The following HS3ST4 variants were observed in gnomAD, a reference collection of about 807,000 sequenced individuals.
HS3ST4 encodes heparan sulfate-glucosamine 3-sulfotransferase 4.
Under a neutral mutation model 29.2 loss-of-function variants are expected in HS3ST4, and 17 were observed. The observed-to-expected ratio is 0.58, with a 90% CI of 0.40 to 0.87. The LOEUF is 0.87. Ranked by LOEUF, HS3ST4 falls within the 40% of genes least tolerant of loss-of-function variation. The pLI, the probability that HS3ST4 is intolerant of heterozygous loss-of-function variation, is 0.00. For synonymous variants in HS3ST4, 314 were observed against 285.7 expected, an observed-to-expected ratio of 1.10 and a Z score of -1.00; for missense variants, 627 against 634.5, an observed-to-expected ratio of 0.99 and a Z score of 0.13.
intron 1 of HS3ST4, among the ~76,000 whole-genome samples, chr16:26,054,422 A>C (rs2141767682): frequency 6.6e-6 from 1 of 152,330 alleles, no homozygotes; most frequent in Middle Eastern, 3.4e-3. Flanking sequence ...CAATTGACTC[A>C]GTTTACCTAA....
intron 1 of HS3ST4, among the ~76,000 whole-genome samples, chr16:26,131,548 A>G (rs1899419339): frequency 6.6e-6 from 1 of 152,182 alleles, no homozygotes; most frequent in Non-Finnish European, 1.5e-5. Context: ...GTTAAAATGA[A>G]CTTACTTAAA....
At chr16:25,763,727 C>T (rs571410728) in intron 1 of HS3ST4, among the ~76,000 whole-genome samples, 2 of 152,126 alleles carry the variant, frequency 1.3e-5, no homozygotes, top group Non-Finnish European at 2.9e-5. Context: ...GCAAGAGGGG[C>T]AAGAGGTGTG....
In HS3ST4 at chr16:25,961,895, A is replaced by G. The variant is rs531908926; in HGVS notation, c.735-173717A>G. Reference sequence around the variant, plus strand: ...ATGTGATTAACCTCTATTTTATACTACTGTCTAGCTCCCAATTATGTATGC... The same window carrying G: ...ATGTGATTAACCTCTATTTTATACTGCTGTCTAGCTCCCAATTATGTATGC... On this transcript the variant is annotated intron_variant, in intron 1 of 1. Transcript: ENST00000331351. Among the ~76,000 whole-genome samples, 5 of 152,314 alleles carry G rather than the reference A, an allele frequency of 3.3e-5. No homozygotes were observed. The South Asian group carries it at 1.0e-3, about 32-fold the overall frequency.
intron 1 of HS3ST4, among the ~76,000 whole-genome samples, chr16:25,843,269 T>C (rs182425310): frequency 6.6e-6 from 1 of 152,316 alleles, no homozygotes; most frequent in African/African-American, 2.4e-5. Flanking sequence ...GACGATGCTA[T>C]CAACTGGGAG....
intron 1 of HS3ST4, among the ~76,000 whole-genome samples, chr16:26,115,268 C>T (rs190699865): frequency 0.026 from 3,489 of 132,528 alleles, 51 homozygotes; most frequent in Middle Eastern, 0.048. Flanking sequence ...CATATATATA[C>T]ACACACACAC....
chr16:25,716,534 C>T (rs943036445), intron 1 of HS3ST4, among the ~76,000 whole-genome samples: 1 of 152,176 alleles, frequency 6.6e-6, no homozygotes, highest in Non-Finnish European at 1.5e-5. Context: ...CTGAGGCAAC[C>T]AGATAAAAAG....
At chr16:26,083,767 G>A (rs1596674833) in intron 1 of HS3ST4, among the ~76,000 whole-genome samples, 1 of 152,102 alleles carries the variant, frequency 6.6e-6, no homozygotes, top group South Asian at 2.1e-4. Context: ...TTAAATAAAG[G>A]CAGTTATCTC....
chr16:25,788,975 C>T (rs1375734703), intron 1 of HS3ST4, among the ~76,000 whole-genome samples: 4 of 152,096 alleles, frequency 2.6e-5, no homozygotes, highest in African/African-American at 9.7e-5. Context: ...AAAAGCTGCC[C>T]TAAAATCAAG....
intron 1 of HS3ST4, among the ~76,000 whole-genome samples, chr16:25,796,485 T>C (rs1476429976): frequency 1.3e-5 from 2 of 152,204 alleles, no homozygotes; most frequent in East Asian, 1.9e-4. Flanking sequence ...CTCATGTCTG[T>C]CTTCCGGTCT....
At chr16:25,879,553 T>C (rs1344698368) in intron 1 of HS3ST4, among the ~76,000 whole-genome samples, 2 of 152,148 alleles carry the variant, frequency 1.3e-5, no homozygotes, top group Admixed American at 1.3e-4. Flanking sequence ...GAGAACAGCA[T>C]GGGAAAGACC....
chr16:25,699,431 A>G (rs1371205816), intron 1 of HS3ST4, among the ~76,000 whole-genome samples: 2 of 152,214 alleles, frequency 1.3e-5, no homozygotes, highest in African/African-American at 4.8e-5. Context: ...AACTGGGGAA[A>G]TTCTCAATTT....
At chr16:26,038,433 G>A (rs1969604748) in intron 1 of HS3ST4, among the ~76,000 whole-genome samples, 1 of 152,032 alleles carries the variant, frequency 6.6e-6, no homozygotes, top group South Asian at 2.1e-4. Context: ...ACCTGTGTCT[G>A]TTTCCCCACT....
At position 25,706,783 on chromosome 16, in the gene HS3ST4, C is replaced by T. The variant is rs79672135; in HGVS notation, c.734+13632C>T. Among the ~76,000 whole-genome samples, 525 of 152,294 alleles carry T rather than the reference C, an allele frequency of 3.4e-3. 7 individuals are homozygous for T. The highest frequency in any genetic ancestry group is 0.012 in the African/African-American group (505 of 41,564). ...GGAATGAAGATTATGAACCAACTGA[C>T]TTTAAATGGGAGATTGTCCTGAATT... On this transcript the variant is annotated intron_variant, in intron 1 of 1. Coordinates refer to ENST00000331351, the MANE Select transcript of HS3ST4 (RefSeq NM_006040.3).
rs564346360 is a variant in HS3ST4, at chr16:25,823,143, A to G, written c.734+129992A>G. Among the ~76,000 whole-genome samples the G allele has an allele frequency of 5.3e-5, 8 of 152,290 alleles. 1 individual carries two copies. In the East Asian group the frequency reaches 1.5e-3, roughly 29 times the overall value. Reference sequence around the variant, plus strand: ...TAGTTTTGCACCTGCTATGTTTAGGAAAGATTCCCAGAAATATGTGCCAAG... The same window carrying G: ...TAGTTTTGCACCTGCTATGTTTAGGGAAGATTCCCAGAAATATGTGCCAAG... On this transcript the variant is annotated intron_variant, in intron 1 of 1. Coordinates refer to ENST00000331351, the MANE Select transcript of HS3ST4 (RefSeq NM_006040.3).
chr16:25,868,359 G>A (rs1368241742), intron 1 of HS3ST4, among the ~76,000 whole-genome samples: 1 of 152,088 alleles, frequency 6.6e-6, no homozygotes, highest in Non-Finnish European at 1.5e-5. Flanking sequence ...TGCAACAGCA[G>A]GCATCACAAC....
intron 1 of HS3ST4, among the ~76,000 whole-genome samples, chr16:25,872,257 C>T (rs182398208): frequency 1.7e-3 from 252 of 152,286 alleles, no homozygotes; most frequent in African/African-American, 5.5e-3. Flanking sequence ...GGGCTACTGA[C>T]AGAAAGAAAT....
At position 26,058,631 on chromosome 16, in the gene HS3ST4, C is replaced by T. The variant is rs572649029; in HGVS notation, c.735-76981C>T. Among the ~76,000 whole-genome samples the T allele has an allele frequency of 2.5e-4, 38 of 152,258 alleles. No homozygotes were observed. In the South Asian group the frequency reaches 7.7e-3, roughly 31 times the overall value. ...CAGTGCTAAAGAATTACTGAATTTC[C>T]GCTGCACCCTCTCACTCTCCAGGGC... On this transcript the variant is annotated intron_variant, in intron 1 of 1. Transcript: ENST00000331351.
Position 25,870,655 on chromosome 16 carries a change from C to T in HS3ST4, c.734+177504C>T, listed in dbSNP as rs190589823. 2.7e-3 allele frequency among the ~76,000 whole-genome samples: 415 copies of T among 152,184 alleles called. 3 individuals carry two copies. Among genetic ancestry groups the T allele is most frequent in the Middle Eastern group, 0.02 (6 of 294 alleles). ...TTTTAGTCCGAGATGGAAAGGTATT[C>T]GAAGACATTAAGTAGAGATGTTACA... On this transcript the variant is annotated intron_variant, in intron 1 of 1. Coordinates refer to ENST00000331351, the MANE Select transcript of HS3ST4 (RefSeq NM_006040.3).
intron 1 of HS3ST4, among the ~76,000 whole-genome samples, chr16:25,766,967 T>C (rs1285729939): frequency 6.6e-6 from 1 of 152,164 alleles, no homozygotes; most frequent in Admixed American, 6.5e-5. Context: ...TTCTTTTGAC[T>C]TCCCCATAAT....
Sources: allele counts gnomAD v4.1 joint callset (sites outside exome capture counted in the v4.1 genomes callset), GRCh38; gene constraint gnomAD v4.1.1; transcripts MANE v1.5; gene names NCBI Gene and HGNC (gene_info 2026-07-23, HGNC 2026-07-21).